Variants in ZNF618 observed in about 807,000 individuals in gnomAD.
The protein encoded by ZNF618 is neural precursor cell expressed, developmentally down-regulated 10.
A neutral mutation model predicts 103.0 loss-of-function variants in ZNF618; 34 were observed. The ratio of observed to expected loss-of-function variants is 0.33; its 90% confidence interval spans 0.25 to 0.44. ZNF618 has a LOEUF of 0.44. ZNF618 is among the 20% of genes least tolerant of loss of function. The pLI is 1.00. For missense variants in ZNF618, 1,059 were observed against 1,295.4 expected, an observed-to-expected ratio of 0.82 and a Z score of 2.80; for synonymous variants, 551 against 542.2, an observed-to-expected ratio of 1.02 and a Z score of -0.23.
intron 1 of ZNF618, among the ~76,000 whole-genome samples, chr9:113,925,935 A>G (rs1344688875): frequency 6.6e-6 from 1 of 152,026 alleles, no homozygotes; most frequent in East Asian, 1.9e-4. Context: ...AAAAGATTTT[A>G]TTTTACTCTT....
At chr9:113,947,856 C>T (rs1835188503) in intron 1 of ZNF618, among the ~76,000 whole-genome samples, 1 of 152,246 alleles carries the variant, frequency 6.6e-6, no homozygotes, top group South Asian at 2.1e-4. Context: ...TTCTTCCCCT[C>T]TTCTCCGTGC....
chr9:113,960,379 T>G (rs1277081266), intron 1 of ZNF618, among the ~76,000 whole-genome samples: 2 of 152,238 alleles, frequency 1.3e-5, no homozygotes, highest in African/African-American at 4.8e-5. Flanking sequence ...CTTACAGGAC[T>G]TACTCATTCC....
chr9:114,000,791 C>T (rs1017578018), intron 4 of ZNF618, among the ~76,000 whole-genome samples: 2 of 152,314 alleles, frequency 1.3e-5, no homozygotes, highest in Admixed American at 6.5e-5. Flanking sequence ...ACTCAGTCTT[C>T]ACACCAACAC....
intron 13 of ZNF618, among the ~76,000 whole-genome samples, chr9:114,043,990 C>A (rs1018687750): frequency 1.3e-5 from 2 of 152,132 alleles, no homozygotes; most frequent in Non-Finnish European, 2.9e-5. Context: ...TTTTATCCCA[C>A]TCTATGGGTT....
In ZNF618 at chr9:113,955,797, G is replaced by GT. The variant is rs112540382; in HGVS notation, c.34-13319dup. ...TCTATGTATATTTCTTCTGTCTCTGGTCTTCTTTCTTCTTTGATGTCTCTT... is the reference window on the plus strand; with the variant it reads ...TCTATGTATATTTCTTCTGTCTCTGGTTCTTCTTTCTTCTTTGATGTCTCTT... On this transcript the variant is annotated intron_variant, in intron 1 of 14. Coordinates refer to ENST00000374126, the MANE Select transcript of ZNF618 (RefSeq NM_001318042.2). Among the ~76,000 whole-genome samples the GT allele has an allele frequency of 7.0e-3, 1,066 of 151,980 alleles. 15 individuals are homozygous for GT. Among genetic ancestry groups the GT allele is most frequent in the African/African-American group, 0.024 (996 of 41,414 alleles).
chr9:113,921,098 G>T (rs918531682), intron 1 of ZNF618, among the ~76,000 whole-genome samples: 1 of 152,214 alleles, frequency 6.6e-6, no homozygotes, highest in Non-Finnish European at 1.5e-5. Flanking sequence ...GAATACCTTT[G>T]CTATTTTAAA....
At chr9:113,904,197 A>T (rs1165559797) in intron 1 of ZNF618, among the ~76,000 whole-genome samples, 4 of 146,898 alleles carry the variant, frequency 2.7e-5, no homozygotes, top group East Asian at 2.0e-4. Context: ...TTTTTTTCTA[A>T]CCTATTCTTA....
intron 9 of ZNF618, among the ~76,000 whole-genome samples, chr9:114,009,025 C>T (rs1029414443): frequency 6.6e-6 from 1 of 152,226 alleles, no homozygotes; most frequent in African/African-American, 2.4e-5. Context: ...AGGGCAGCCA[C>T]AGGCAGACTC....
intron 1 of ZNF618, among the ~76,000 whole-genome samples, chr9:113,961,795 A>G (rs1031740434): frequency 1.3e-5 from 2 of 152,224 alleles, no homozygotes; most frequent in Non-Finnish European, 2.9e-5. Flanking sequence ...GCACTTTTAA[A>G]TGGCATTTTT....
At chr9:114,045,273 A>G (rs1845557552) in intron 13 of ZNF618, among the ~76,000 whole-genome samples, 1 of 152,122 alleles carries the variant, frequency 6.6e-6, no homozygotes, top group Admixed American at 6.5e-5. Flanking sequence ...TCAGGAAACC[A>G]CTGCCTAACC....
rs139348803 is a variant in ZNF618, at chr9:113,924,398, GTCTTCTTCT to G, written c.34-44699_34-44691del. On this transcript the variant is annotated intron_variant, in intron 1 of 14. Transcript: ENST00000374126. ...TCGATTTCTGATGTTAGTAATTTGT[GTCTTCTTCT>G]TCTTCTTCTTCTTCTTCTTTTTTTT... is the stretch of plus-strand genomic sequence containing the variant. Among the ~76,000 whole-genome samples, 1,306 of 139,944 alleles carry G rather than the reference GTCTTCTTCT, an allele frequency of 9.3e-3. 20 individuals carry two copies. Among genetic ancestry groups the G allele is most frequent in the African/African-American group, 0.032 (1,225 of 38,058 alleles). 91.8% of individuals were successfully genotyped at this position (139,944 alleles called of 152,430 possible).
intron 1 of ZNF618, among the ~76,000 whole-genome samples, chr9:113,940,275 G>T (rs889808558): frequency 2.0e-5 from 3 of 151,862 alleles, no homozygotes; most frequent in Admixed American, 6.6e-5. Context: ...TTTTTTTGTG[G>T]CCTGTCACAT....
rs542014840 is a variant in ZNF618 at position 114,039,944 on chromosome 9, G to T, written c.1246+3567G>T. On this transcript the variant is annotated intron_variant, in intron 13 of 14. Transcript: ENST00000374126. The stretch of plus-strand genomic sequence containing the variant: ...CTTTACAAATGTACATGTGGGGGAG[G>T]GGGGAGGACACACAGGATAGCCACA... 1.5e-4 allele frequency among the ~76,000 whole-genome samples: 23 copies of T among 150,900 alleles called. No homozygotes were observed. The East Asian group carries it at 3.7e-3, about 24-fold the overall frequency.
At chr9:114,035,334 T>G (rs1844487957) in intron 12 of ZNF618, 1 of 834,056 alleles carries the variant, frequency 1.2e-6, no homozygotes, top group Non-Finnish European at 1.4e-6. Flanking sequence ...CTGTGTGAGA[T>G]GGGCCTTGGG....
intron 1 of ZNF618, among the ~76,000 whole-genome samples, chr9:113,910,109 C>T (rs919077363): frequency 5.9e-5 from 9 of 151,976 alleles, no homozygotes; most frequent in African/African-American, 9.7e-5. Context: ...ACTCACCACT[C>T]CCCGCCTGGC....
At chr9:113,929,981 GA>G (rs1285067592) in intron 1 of ZNF618, among the ~76,000 whole-genome samples, 1 of 152,196 alleles carries the variant, frequency 6.6e-6, no homozygotes, top group Admixed American at 6.5e-5. Flanking sequence ...CCCCCATGAT[GA>G]ATGTGTTTTT....
rs542095161 is a variant in ZNF618, at chr9:113,922,151, G to A, written c.33+45738G>A. On this transcript the variant is annotated intron_variant, in intron 1 of 14. Transcript: ENST00000374126. ...GAACTCCTACTCTGTGTGTGATCCT[G>A]GGGATAAACCAGGGAACAAAAAATA... 2.6e-4 allele frequency among the ~76,000 whole-genome samples: 40 copies of A among 152,284 alleles called. No homozygotes were observed. The South Asian group carries it at 7.9e-3, about 30-fold the overall frequency.
At chr9:113,876,975 T>C (rs1376647252) in intron 1 of ZNF618, among the ~76,000 whole-genome samples, 1 of 152,010 alleles carries the variant, frequency 6.6e-6, no homozygotes, top group Admixed American at 6.5e-5. Flanking sequence ...AGGATACTAT[T>C]TTGTAAATAA....
intron 1 of ZNF618, among the ~76,000 whole-genome samples, chr9:113,945,842 C>A (rs780774672): frequency 6.6e-6 from 1 of 152,236 alleles, no homozygotes; most frequent in Non-Finnish European, 1.5e-5. Context: ...AAAAATGTCT[C>A]GTAAAAAGTT....
Sources: gnomAD v4.1 joint callset for allele counts (sites outside exome capture counted in the v4.1 genomes callset) on GRCh38, gnomAD v4.1.1 for gene constraint, MANE v1.5 for transcripts, NCBI Gene and HGNC (gene_info 2026-07-23, HGNC 2026-07-21) for gene names.